PMPCA: variants seen among roughly 807,000 people sequenced by gnomAD.
PMPCA encodes peptidase, mitochondrial processing subunit alpha.
In PMPCA, 47 loss-of-function variants were observed where a neutral mutation model predicts 59.3. The ratio of observed to expected loss-of-function variants is 0.79; its 90% CI spans 0.63 to 1.01. The LOEUF (loss-of-function observed/expected upper bound fraction) is 1.01. Ranked by LOEUF, PMPCA falls within the 50% of genes least tolerant of loss-of-function variation. The pLI is 0.00. For synonymous variants in PMPCA, 338 were observed against 290.3 expected, an observed-to-expected ratio of 1.16 and a Z score of -1.67; for missense variants, 726 against 704.5, an observed-to-expected ratio of 1.03 and a Z score of -0.34.
At chr9:136,417,344 G>A in intron 7 of PMPCA, 130 bp downstream of exon 7, 1 of 686,518 alleles carries the variant, frequency 1.5e-6, no homozygotes, top group Non-Finnish European at 2.4e-6. Flanking sequence ...CTTAACACAT[G>A]CTGTAGTCCC....
intron 11 of PMPCA, among the ~76,000 whole-genome samples, chr9:136,421,506 T>C (rs1270941275): frequency 6.8e-6 from 1 of 147,658 alleles, no homozygotes; most frequent in African/African-American, 2.5e-5. Flanking sequence ...GCCTCCCGGG[T>C]TCATGCCATT....
chr9:136,416,753 T>C, intron 6 of PMPCA, 198 bp from the exon 7 acceptor site: 1 of 596,044 alleles, frequency 1.7e-6, no homozygotes, highest in Non-Finnish European at 3.0e-6. Context: ...TTAGGCTTTT[T>C]GTGAATTTGT....
Position 136,418,611 on chromosome 9 carries a change from C to T in PMPCA, c.1047C>T (p.Ser349=), listed in dbSNP as rs1835352038. Residue 349 remains serine, a synonymous_variant, in exon 9 of 13, where the codon TCC becomes TCT. Transcript: ENST00000371717. ...ACATGATGATGGGCGGAGGTGGCTC[C>T]TTCTCGGCTGGTGGGCCCGGCAAGG... ...VLNMMMGGGG[S]FSAGGPGKGM... The T allele has an allele frequency of 6.2e-7, 1 of 1,614,078 alleles. No individual in the cohort carries two copies. The highest frequency in any genetic ancestry group is 8.5e-7 in the Non-Finnish European group (1 of 1,179,902).
chr9:136,422,641 CCT>C, intron 12 of PMPCA: 4 of 1,010,248 alleles, frequency 4.0e-6, no homozygotes, highest in Non-Finnish European at 4.7e-6. Flanking sequence ...GAGTGTCCAG[CCT>C]CTCTCGGGCC....
intron 12 of PMPCA, chr9:136,422,454 G>A (rs1221483523): frequency 9.3e-6 from 10 of 1,079,586 alleles, no homozygotes; most frequent in Non-Finnish European, 1.1e-5. Flanking sequence ...TATGTGCATC[G>A]GACTCTTCTG....
chr9:136,417,877 T>C, intron 7 of PMPCA, 140 bp from the exon 8 acceptor site: 1 of 703,024 alleles, frequency 1.4e-6, no homozygotes, highest in Non-Finnish European at 2.6e-6. Flanking sequence ...CCTCCCAAAG[T>C]GCTGGGATTT....
Position 136,423,688 on chromosome 9 carries a change from G to C in PMPCA, c.*424G>C, listed in dbSNP as rs555888715. The C allele has an allele frequency of 5.4e-6, 1 of 186,630 alleles. No homozygotes were observed. The highest frequency in any genetic ancestry group is 1.2e-4 in the South Asian group (1 of 8,278). 11.6% of individuals were successfully genotyped at this position (186,630 alleles called of 1,614,324 possible). ...GACAAGCAGGAGAAGGTAAGGGCCC[G>C]GTCAGCTCCAAGGAGCGCGCTCCAC... On this transcript the variant is annotated 3_prime_UTR_variant, in exon 13 of 13. Coordinates refer to ENST00000371717, the MANE Select transcript of PMPCA (RefSeq NM_015160.3).
Position 136,416,382 on chromosome 9 carries a change from G to A in PMPCA, c.624G>A (p.Met208Ile), listed in dbSNP as rs1835274978. ...RPDPEPLLTE[M>I]IHEAAYRENT... ...ACCCAGAGCCACTTCTCACCGAGAT[G>A]ATTCATGAAGTAAAATGTCAAACTC... The change falls in exon 6 of 13, where the codon ATG (methionine) becomes ATA (isoleucine). Residue 208 changes from methionine to isoleucine, a missense_variant. Coordinates refer to ENST00000371717, the MANE Select transcript of PMPCA (RefSeq NM_015160.3). The A allele has an allele frequency of 1.9e-5, 31 of 1,610,722 alleles. No individual in the cohort carries two copies. The highest frequency in any genetic ancestry group is 2.6e-5 in the Non-Finnish European group (31 of 1,176,924).
intron 4 of PMPCA, among the ~76,000 whole-genome samples, chr9:136,413,291 T>A (rs1350432727): frequency 1.3e-5 from 2 of 152,078 alleles, no homozygotes; most frequent in African/African-American, 2.4e-5. Flanking sequence ...AGGAGTTTGC[T>A]AGACACACGG....
chr9:136,410,785 C>G, intron 1 of PMPCA, 46 bp downstream of exon 1: 1 of 1,351,036 alleles, frequency 7.4e-7, no homozygotes, highest in Non-Finnish European at 9.5e-7. Flanking sequence ...GGGGGCGGCT[C>G]GAGTCTTTCT....
At position 136,414,600 on chromosome 9, in the gene PMPCA, C is replaced by T. The variant is rs192764146; in HGVS notation, c.485C>T (p.Thr162Met). 8.7e-6 allele frequency: 14 copies of T among 1,613,576 alleles called. No homozygotes were observed. The Admixed American group carries it at 1.3e-4, about 15-fold the overall frequency. ...TCTGCTGATAGCAAAGGCTTGGACA[C>T]GGTGGTTGCCTTACTGGCTGATGTG... ...AVSADSKGLD[T>M]VVALLADVVL... Residue 162 changes from threonine (T) to methionine (M), a missense_variant, in exon 5 of 13, where the codon ACG becomes ATG. By Grantham distance (81) the Thr-to-Met change is moderately conservative. Coordinates refer to ENST00000371717, the MANE Select transcript of PMPCA (RefSeq NM_015160.3).
At position 136,418,683 on chromosome 9, in the gene PMPCA, A is replaced by G. The variant is rs766661679; in HGVS notation, c.1109+10A>G. ...TCAACGTGCTCAACAGGTGGGTTGC[A>G]CTCTTTTCTGTATCCTCAGGCCACC... On this transcript the variant is annotated intron_variant, in intron 9 of 12. Transcript: ENST00000371717. 1.8e-5 allele frequency: 28 copies of G among 1,585,774 alleles called. No homozygotes were observed. The highest frequency in any genetic ancestry group is 2.3e-5 in the Non-Finnish European group (27 of 1,154,446).
At chr9:136,422,626 C>T in intron 12 of PMPCA, 1 of 1,008,706 alleles carries the variant, frequency 9.9e-7, no homozygotes, top group Non-Finnish European at 1.2e-6. Flanking sequence ...CTTAAATCCT[C>T]AAGCGAGTGT....
Position 136,421,987 on chromosome 9 carries a change from C to G in PMPCA, c.1408+11C>G, listed in dbSNP as rs758039713. ...TGTGCACGCTCATCCGTGAGTACCG[C>G]AGGGGTAGTGAGGGGCTGCCGCAGG... is the stretch of plus-strand genomic sequence containing the variant. On this transcript the variant is annotated intron_variant, in intron 12 of 12. Coordinates refer to ENST00000371717, the MANE Select transcript of PMPCA (RefSeq NM_015160.3). 1.2e-5 allele frequency: 19 copies of G among 1,603,444 alleles called. No individual in the cohort carries two copies. Among genetic ancestry groups the G allele is most frequent in the Non-Finnish European group, 1.6e-5 (19 of 1,175,078 alleles).
chr9:136,422,020 C>T, intron 12 of PMPCA, 44 bp downstream of exon 12: 1 of 1,573,282 alleles, frequency 6.4e-7, no homozygotes, highest in Non-Finnish European at 8.6e-7. Flanking sequence ...AGGCCTCGGC[C>T]AGGCTCAGAG....
chr9:136,414,527 CATT>C (rs773216993), intron 4 of PMPCA, 23 bp from the exon 5 acceptor site: 2 of 1,478,204 alleles, frequency 1.4e-6, no homozygotes, highest in Non-Finnish European at 1.9e-6. Context: ...CAGGGCCTGG[CATT>C]ATGGGCTTGT....
Position 136,418,040 on chromosome 9 carries a change from C to A in PMPCA, c.921C>A (p.Val307=), listed in dbSNP as rs770979461. Residue 307 remains valine, a synonymous_variant, in exon 8 of 13, where the codon GTC becomes GTA. Transcript: ENST00000371717. ...AGCTAGAAAGAGACATGTCCAATGT[C>A]AGCCTGGGCCCGACCCCCATCCCCG... ...IAKLERDMSN[V]SLGPTPIPEL... is the part of the protein sequence containing the mutation. 6.2e-7 allele frequency: 1 copy of A among 1,613,570 alleles called. No homozygotes were observed. The highest frequency in any genetic ancestry group is 8.5e-7 in the Non-Finnish European group (1 of 1,179,536).
chr9:136,416,254 G>C (rs1475900195), intron 5 of PMPCA, 37 bp from the exon 6 acceptor site: 1 of 1,453,778 alleles, frequency 6.9e-7, no homozygotes, highest in East Asian at 2.3e-5. Flanking sequence ...ATCTCTGCCT[G>C]TGCAGACTCA....
At chr9:136,415,915 G>A (rs1449723650) in intron 5 of PMPCA, among the ~76,000 whole-genome samples, 3 of 152,178 alleles carry the variant, frequency 2.0e-5, no homozygotes, top group African/African-American at 7.2e-5. Context: ...TTACAGGCGT[G>A]AGCCACCGCA....
Sources: gnomAD v4.1 joint callset for allele counts (sites outside exome capture counted in the v4.1 genomes callset) on GRCh38, gnomAD v4.1.1 for gene constraint, MANE v1.5 for transcripts, NCBI Gene and HGNC (gene_info 2026-07-23, HGNC 2026-07-21) for gene names.